The following VIPR2 variants were observed in gnomAD, a reference collection of about 807,000 sequenced individuals.
VIPR2 encodes vasoactive intestinal peptide receptor 2.
VIPR2 carries 48 observed loss-of-function variants against 58.0 expected under a neutral mutation model. The ratio of observed to expected loss-of-function variants is 0.83; its 90% confidence interval spans 0.66 to 1.05. The LOEUF is 1.05. Among genes scored for constraint, VIPR2 ranks in the 50% least tolerant of loss-of-function variants. The pLI, the probability that VIPR2 is intolerant of heterozygous loss-of-function variation, is 0.00. For missense variants in VIPR2, 534 were observed against 558.0 expected (o/e 0.96, Z 0.43); for synonymous variants, 243 against 235.2 (o/e 1.03, Z -0.30).
intron 10 of VIPR2, among the ~76,000 whole-genome samples, chr7:159,032,343 G>T (rs953362812): frequency 6.6e-6 from 1 of 152,206 alleles, no homozygotes; most frequent in Non-Finnish European, 1.5e-5. Flanking sequence ...GTGTCCTGGG[G>T]TTCATGGCTG....
chr7:159,096,754 G>A lies in VIPR2; in HGVS notation c.357+7003C>T. On this transcript the variant is annotated intron_variant, in intron 4 of 12. Transcript: ENST00000262178. This position sits in a 1 kb window ranked among gnomAD's most constrained non-coding sequence, Gnocchi z 5.5. ...GGTGACAGCTGAATGATTTCTGCCT[G>A]TGGCCAGATTTCTGCCCCTGCCTGA... 1 of 1,401,408 alleles carries A rather than the reference G, an allele frequency of 7.1e-7. No individual in the cohort carries two copies. Among genetic ancestry groups the A allele is most frequent in the Non-Finnish European group, 9.3e-7 (1 of 1,074,162 alleles). 86.8% of individuals were successfully genotyped at this position (1,401,408 alleles called of 1,614,324 possible).
chr7:159,067,157 G>A (rs1050715979), intron 4 of VIPR2, among the ~76,000 whole-genome samples: 2 of 152,222 alleles, frequency 1.3e-5, no homozygotes, highest in Admixed American at 6.5e-5. Flanking sequence ...TCCCATCAGC[G>A]TAGACAGTTC....
At chr7:159,055,239 A>G (rs972568363) in intron 5 of VIPR2, among the ~76,000 whole-genome samples, 1 of 152,176 alleles carries the variant, frequency 6.6e-6, no homozygotes, top group Non-Finnish European at 1.5e-5. Flanking sequence ...TTCCGAGGTA[A>G]CGTTTTCAAA....
At chr7:159,118,686 A>G (rs1370855160) in intron 2 of VIPR2, among the ~76,000 whole-genome samples, 9 of 152,250 alleles carry the variant, frequency 5.9e-5, no homozygotes, top group Non-Finnish European at 1.0e-4. Context: ...TCATTATAGA[A>G]AGTGACTTTT....
chr7:159,098,908 G>T lies in VIPR2; in HGVS notation c.357+4849C>A, dbSNP rs1303729726. Reference sequence around the variant, plus strand: ...GGGACGAAGCGTGAGCTCCGGGCAGGAGAAACTCTGTTCAGTTCAGCTCCC... The same window carrying T: ...GGGACGAAGCGTGAGCTCCGGGCAGTAGAAACTCTGTTCAGTTCAGCTCCC... On this transcript the variant is annotated intron_variant, in intron 4 of 12. Transcript: ENST00000262178. The surrounding 1 kb of genome is among the most constrained non-coding windows in gnomAD (Gnocchi z 5.2). Among the ~76,000 whole-genome samples the T allele has an allele frequency of 6.6e-6, 1 of 152,228 alleles. No homozygotes were observed. The highest frequency in any genetic ancestry group is 6.5e-5 in the Admixed American group (1 of 15,288).
intron 2 of VIPR2, among the ~76,000 whole-genome samples, chr7:159,111,878 G>A (rs1796018453): frequency 6.6e-6 from 1 of 152,088 alleles, no homozygotes; most frequent in African/African-American, 2.4e-5. Flanking sequence ...GGAGGTAACA[G>A]AGCATGCCTA....
At chr7:159,090,979 C>T (rs1163082596) in intron 4 of VIPR2, among the ~76,000 whole-genome samples, 2 of 109,684 alleles carry the variant, frequency 1.8e-5, no homozygotes, top group Non-Finnish European at 4.3e-5. Flanking sequence ...CTCCTGCGAC[C>T]ATTGCAATCC....
intron 2 of VIPR2, among the ~76,000 whole-genome samples, chr7:159,124,886 T>C (rs1796598496): frequency 6.6e-6 from 1 of 152,236 alleles, no homozygotes; most frequent in African/African-American, 2.4e-5. Context: ...TATTTTATTC[T>C]TTTTGTGGCA....
chr7:159,039,487 CAAAACAAAACAA>C (rs1854182528), intron 6 of VIPR2, among the ~76,000 whole-genome samples: 1 of 152,116 alleles, frequency 6.6e-6, no homozygotes, highest in Non-Finnish European at 1.5e-5. Context: ...AAAAACAAAA[CAAAACAAAACAA>C]AAAATAAAAA....
chr7:159,072,904 T>A (rs542952119), intron 4 of VIPR2, among the ~76,000 whole-genome samples: 1 of 152,342 alleles, frequency 6.6e-6, no homozygotes, highest in African/African-American at 2.4e-5. Context: ...AACGAAATGG[T>A]AACATTCTGG....
chr7:159,105,404 G>A (rs759512674), intron 3 of VIPR2, among the ~76,000 whole-genome samples: 1 of 152,218 alleles, frequency 6.6e-6, no homozygotes, highest in African/African-American at 2.4e-5. Flanking sequence ...AGACAACCCT[G>A]CAAGACAGAC....
rs111415616 is a variant in VIPR2 at position 159,098,968 on chromosome 7, C to T, written c.357+4789G>A. On this transcript the variant is annotated intron_variant, in intron 4 of 12. Coordinates refer to ENST00000262178, the MANE Select transcript of VIPR2 (RefSeq NM_003382.5). The surrounding 1 kb of genome is among the most constrained non-coding windows in gnomAD (Gnocchi z 5.2). ...TGCGCTCGCCGGTGGGCAGAGCCGG[C>T]CCAGGACCGTGCATGTCCACCCCGT... 6.6e-6 allele frequency among the ~76,000 whole-genome samples: 1 copy of T among 152,132 alleles called. No homozygotes were observed. The highest frequency in any genetic ancestry group is 2.4e-5 in the African/African-American group (1 of 41,438).
intron 4 of VIPR2, among the ~76,000 whole-genome samples, chr7:159,061,825 G>A (rs901060812): frequency 5.3e-5 from 8 of 152,130 alleles, no homozygotes; most frequent in South Asian, 2.1e-4. Context: ...GAGCCGCGGC[G>A]GAGTACCGGG....
At chr7:159,035,520 G>C (rs1853880895) in intron 8 of VIPR2, among the ~76,000 whole-genome samples, 1 of 152,236 alleles carries the variant, frequency 6.6e-6, no homozygotes. Flanking sequence ...CTCAGGGAGA[G>C]CATAGTGGAA....
At chr7:159,073,279 T>C (rs1856493527) in intron 4 of VIPR2, among the ~76,000 whole-genome samples, 1 of 152,198 alleles carries the variant, frequency 6.6e-6, no homozygotes, top group Non-Finnish European at 1.5e-5. Context: ...TTTAGGAGTA[T>C]ACTAAATACA....
intron 10 of VIPR2, 133 bp downstream of exon 10, chr7:159,034,080 G>A: frequency 1.2e-6 from 1 of 803,102 alleles, no homozygotes; most frequent in South Asian, 1.7e-5. Context: ...CAGAGCCCTG[G>A]GGCCCAGCCT....
At chr7:159,100,257 C>A (rs965491324) in intron 4 of VIPR2, among the ~76,000 whole-genome samples, 1 of 152,212 alleles carries the variant, frequency 6.6e-6, no homozygotes, top group African/African-American at 2.4e-5. Context: ...CCTCACCACT[C>A]CCCTAAGCCT....
intron 8 of VIPR2, 86 bp downstream of exon 8, chr7:159,035,866 A>T: frequency 6.5e-7 from 1 of 1,542,026 alleles, no homozygotes; most frequent in Non-Finnish European, 8.8e-7. Context: ...CCTTCCAACC[A>T]GGTAACCTTC....
At chr7:159,030,915 A>G (rs1445007687) in intron 12 of VIPR2, 126 bp from the exon 13 acceptor site, 11 of 1,271,130 alleles carry the variant, frequency 8.7e-6, no homozygotes, top group African/African-American at 1.5e-5. Flanking sequence ...TTGCCAGCAG[A>G]TGGACAGAAA....
Sources: allele counts gnomAD v4.1 joint callset (sites outside exome capture counted in the v4.1 genomes callset), GRCh38; gene constraint gnomAD v4.1.1; non-coding constraint Gnocchi (gnomAD v3.1); transcripts MANE v1.5; gene names NCBI Gene and HGNC (gene_info 2026-07-23, HGNC 2026-07-21).